The following ZEB1 variants were observed in gnomAD, a reference collection of about 807,000 sequenced individuals.
ZEB1 encodes the protein zinc finger E-box binding homeobox 1, also known as zinc finger E-box-binding homeobox 1.
In ZEB1, 21 loss-of-function variants were observed where a neutral mutation model predicts 84.9. The observed-to-expected ratio is 0.25, with a 90% confidence interval of 0.18 to 0.36. The LOEUF is 0.36. ZEB1 is among the 10% of genes least tolerant of loss of function. The pLI, the probability that ZEB1 is intolerant of heterozygous loss-of-function variation, is 1.00. For missense variants in ZEB1, 1,104 were observed against 1,330.2 expected, an observed-to-expected ratio of 0.83 and a Z score of 2.65; for synonymous variants, 420 against 471.1, an observed-to-expected ratio of 0.89 and a Z score of 1.41.
intron 2 of ZEB1, among the ~76,000 whole-genome samples, chr10:31,477,287 C>T (rs1291694851): frequency 6.6e-6 from 1 of 151,972 alleles, no homozygotes; most frequent in African/African-American, 2.4e-5. Flanking sequence ...AACTCTATCC[C>T]ATTTACAGTA....
chr10:31,375,173 G>T (rs192077641), intron 1 of ZEB1, among the ~76,000 whole-genome samples: 1 of 150,762 alleles, frequency 6.6e-6, no homozygotes, highest in East Asian at 2.0e-4. Context: ...CTTCATCTCC[G>T]CAGTGACTTC....
chr10:31,437,419 A>G (rs2058420192), intron 1 of ZEB1, among the ~76,000 whole-genome samples: 2 of 152,234 alleles, frequency 1.3e-5, no homozygotes, highest in Admixed American at 6.5e-5. Context: ...TAATGCTTAG[A>G]AAAGCTCAGT....
rs2073725805 is a variant in ZEB1, at chr10:31,527,509, A to C, written c.*245A>C. 3 of 524,998 alleles carry C rather than the reference A, an allele frequency of 5.7e-6. No homozygotes were observed. The highest frequency in any genetic ancestry group is 6.6e-6 in the Non-Finnish European group (2 of 301,302). 32.5% of individuals were successfully genotyped at this position (524,998 alleles called of 1,614,324 possible). A position where few individuals can be genotyped will look rare whatever the true frequency, so the allele number is the denominator to read the frequency against. Reference sequence around the variant, plus strand: ...CCTAGTAATTTTTCATGCAGTTTTCAAAGTTAGGAACAAGTTTGTAACATG... The same window carrying C: ...CCTAGTAATTTTTCATGCAGTTTTCCAAGTTAGGAACAAGTTTGTAACATG... On this transcript the variant is annotated 3_prime_UTR_variant, in exon 9 of 9. Coordinates refer to ENST00000424869, the MANE Select transcript of ZEB1 (RefSeq NM_001174096.2).
chr10:31,473,473 A>G (rs1422528261), intron 2 of ZEB1, among the ~76,000 whole-genome samples: 2 of 152,082 alleles, frequency 1.3e-5, no homozygotes, highest in Non-Finnish European at 2.9e-5. Flanking sequence ...CTTCAAACAG[A>G]ATAAAATACC....
At chr10:31,412,668 T>C (rs11008489) in intron 1 of ZEB1, among the ~76,000 whole-genome samples, 9,822 of 152,208 alleles carry the variant, frequency 0.065, 789 homozygotes, top group African/African-American at 0.18. Context: ...ATTGATGGGA[T>C]AAAGCACACC....
chr10:31,363,939 G>A lies in ZEB1; in HGVS notation c.58+44647G>A, dbSNP rs1463812729. ...CAGGCACAGGTGCAGGAGCTGCAGG[G>A]TGAGCCCGGCCAGCTGGGAAGGCCT... On this transcript the variant is annotated intron_variant, in intron 1 of 8. Coordinates refer to ENST00000424869, the MANE Select transcript of ZEB1 (RefSeq NM_001174096.2). The A allele has an allele frequency of 8.4e-6, 11 of 1,303,876 alleles. 1 individual carries two copies. Among genetic ancestry groups the A allele is most frequent in the South Asian group, 7.7e-5 (5 of 64,784 alleles). The allele number at this position is 1,303,876 out of a possible 1,614,324, so 80.8% of individuals were successfully genotyped here. A position where few individuals can be genotyped will look rare whatever the true frequency, so the allele number is the denominator to read the frequency against.
intron 1 of ZEB1, among the ~76,000 whole-genome samples, chr10:31,362,470 A>G (rs2043425734): frequency 6.8e-6 from 1 of 147,536 alleles, no homozygotes; most frequent in Non-Finnish European, 1.5e-5. Flanking sequence ...GGCGCTCCTC[A>G]CTTCCCAGAC....
At chr10:31,480,368 A>G (rs2064882707) in intron 2 of ZEB1, among the ~76,000 whole-genome samples, 1 of 152,064 alleles carries the variant, frequency 6.6e-6, no homozygotes, top group African/African-American at 2.4e-5. Context: ...ATCAGTCACT[A>G]TCTAAGCCTT....
intron 3 of ZEB1, among the ~76,000 whole-genome samples, chr10:31,497,796 A>T (rs983963399): frequency 6.6e-6 from 1 of 152,096 alleles, no homozygotes; most frequent in African/African-American, 2.4e-5. Context: ...TAAAAAATTC[A>T]TTGAAAACAT....
intron 1 of ZEB1, among the ~76,000 whole-genome samples, chr10:31,369,491 A>G (rs1393356115): frequency 2.0e-5 from 3 of 152,220 alleles, no homozygotes; most frequent in African/African-American, 4.8e-5. Flanking sequence ...TTCACTTAGC[A>G]TAATATCCTC....
chr10:31,410,324 T>G (rs920698149), intron 1 of ZEB1, among the ~76,000 whole-genome samples: 6 of 152,346 alleles, frequency 3.9e-5, no homozygotes, highest in African/African-American at 1.4e-4. Flanking sequence ...TTGATTTGCA[T>G]GTGTTGCAGC....
Position 31,375,726 on chromosome 10 carries a change from A to G in ZEB1, c.58+56434A>G, listed in dbSNP as rs533010190. On this transcript the variant is annotated intron_variant, in intron 1 of 8. Transcript: ENST00000424869. ...TCAGAAGAAATGAGTTGCGAATTAC[A>G]GTGGTGTTAGAAGAAATGAATTGGA... 1.3e-4 allele frequency among the ~76,000 whole-genome samples: 20 copies of G among 151,926 alleles called. No individual in the cohort carries two copies. In the East Asian group the frequency reaches 3.5e-3, roughly 26 times the overall value.
Position 31,419,715 on chromosome 10 carries a change from G to C in ZEB1, c.59-41322G>C, listed in dbSNP as rs776653700. 3.3e-5 allele frequency among the ~76,000 whole-genome samples: 5 copies of C among 152,160 alleles called. No individual in the cohort carries two copies. In the East Asian group the frequency reaches 9.6e-4, roughly 29 times the overall value. Reference sequence around the variant, plus strand: ...ACTAATTTTTCCTCATAAAACTTTAGATATTTTGAACTGCTGCTTCATCTT... The same window carrying C: ...ACTAATTTTTCCTCATAAAACTTTACATATTTTGAACTGCTGCTTCATCTT... On this transcript the variant is annotated intron_variant, in intron 1 of 8. Coordinates refer to ENST00000424869, the MANE Select transcript of ZEB1 (RefSeq NM_001174096.2).
At chr10:31,360,929 T>G (rs2134079902) in intron 1 of ZEB1, 2 of 1,565,252 alleles carry the variant, frequency 1.3e-6, no homozygotes, top group African/African-American at 2.7e-5. Context: ...TCTAATAAAT[T>G]GCATGTCTGG....
chr10:31,398,007 C>T (rs1053503901), intron 1 of ZEB1, among the ~76,000 whole-genome samples: 1 of 152,126 alleles, frequency 6.6e-6, no homozygotes, highest in Non-Finnish European at 1.5e-5. Context: ...CTAATAGTTT[C>T]GCTTTCTAAA....
intron 1 of ZEB1, among the ~76,000 whole-genome samples, chr10:31,402,824 A>G (rs1469698000): frequency 6.6e-6 from 1 of 152,070 alleles, no homozygotes; most frequent in African/African-American, 2.4e-5. Context: ...CTGCCATCTC[A>G]CTTTATCTTT....
intron 2 of ZEB1, among the ~76,000 whole-genome samples, chr10:31,493,113 CTGTCCCTCTACCT>C (rs1388950897): frequency 6.6e-6 from 1 of 151,932 alleles, no homozygotes; most frequent in Middle Eastern, 3.2e-3. Context: ...ATGTTCACCC[CTGTCCCTCTACCT>C]TGCCGCATTC....
In ZEB1 at chr10:31,448,417, A is replaced by G. The variant is rs1424067440; in HGVS notation, c.59-12620A>G. On this transcript the variant is annotated intron_variant, in intron 1 of 8. Transcript: ENST00000424869. ...TGAAGCCTTCTTCTCTCAGCTCGTCAAAGTCATTCTCCATCCAGCTTTGTT... is the reference window on the plus strand; with the variant it reads ...TGAAGCCTTCTTCTCTCAGCTCGTCGAAGTCATTCTCCATCCAGCTTTGTT... Among the ~76,000 whole-genome samples the G allele has an allele frequency of 1.5e-3, 220 of 144,858 alleles. 2 individuals carry two copies. The highest frequency in any genetic ancestry group is 4.5e-3 in the African/African-American group (167 of 37,092).
intron 1 of ZEB1, among the ~76,000 whole-genome samples, chr10:31,393,144 A>G (rs938879791): frequency 3.3e-5 from 5 of 152,168 alleles, no homozygotes; most frequent in Non-Finnish European, 7.4e-5. Context: ...CAGCTGTACT[A>G]TTTATATTTT....
Sources: gnomAD v4.1 joint callset for allele counts (sites outside exome capture counted in the v4.1 genomes callset) on GRCh38, gnomAD v4.1.1 for gene constraint, MANE v1.5 for transcripts, NCBI Gene and HGNC (gene_info 2026-07-23, HGNC 2026-07-21) for gene names.